Variants in NTN4 observed in about 807,000 individuals in gnomAD.
The protein encoded by NTN4 is netrin 4, also known as netrin-4.
In NTN4, 32 loss-of-function variants were observed where a neutral mutation model predicts 73.6. The observed-to-expected ratio is 0.44, with a 90% CI of 0.33 to 0.58. NTN4 has a LOEUF of 0.58. NTN4 is among the 20% of genes least tolerant of loss of function. NTN4 has a pLI of 0.04. For missense variants in NTN4, 654 were observed against 798.3 expected (o/e 0.82, Z 2.18); for synonymous variants, 258 against 287.5 (o/e 0.90, Z 1.04).
At chr12:95,744,226 TTGA>T (rs765485051) in intron 2 of NTN4, among the ~76,000 whole-genome samples, 22 of 152,230 alleles carry the variant, frequency 1.4e-4, no homozygotes, top group Non-Finnish European at 3.2e-4. Context: ...TTATATCCTC[TTGA>T]TGAAGTGACT....
chr12:95,753,058 G>GT (rs1190531993), intron 2 of NTN4, among the ~76,000 whole-genome samples: 1 of 151,952 alleles, frequency 6.6e-6, no homozygotes, highest in African/African-American at 2.4e-5. Context: ...CCCCATGACT[G>GT]TATTTCTCTG....
chr12:95,672,381 G>A (rs1338691197), intron 7 of NTN4: 5 of 870,908 alleles, frequency 5.7e-6, no homozygotes, highest in African/African-American at 1.6e-5. Context: ...CAGCTGGTAC[G>A]ACTCCGACCT....
intron 9 of NTN4, 165 bp downstream of exon 9, chr12:95,665,645 G>C: frequency 2.0e-6 from 1 of 496,224 alleles, no homozygotes; most frequent in Non-Finnish European, 3.6e-6. Flanking sequence ...ATAATTTTTC[G>C]ATGTTAGTTC....
At chr12:95,714,105 T>C (rs1423611272) in intron 3 of NTN4, among the ~76,000 whole-genome samples, 4 of 152,060 alleles carry the variant, frequency 2.6e-5, no homozygotes, top group African/African-American at 7.2e-5. Flanking sequence ...CAGAGTAATA[T>C]AGGGTTTATT....
At chr12:95,746,912 AT>A (rs138909470) in intron 2 of NTN4, among the ~76,000 whole-genome samples, 2,378 of 152,128 alleles carry the variant, frequency 0.016, 22 homozygotes, top group East Asian at 0.04. Flanking sequence ...TGTTTCACAT[AT>A]TTTGTCCAGT....
At chr12:95,734,149 T>C (rs762960686) in intron 3 of NTN4, among the ~76,000 whole-genome samples, 1 of 151,926 alleles carries the variant, frequency 6.6e-6, no homozygotes. Flanking sequence ...TTCTTTTCGA[T>C]AGTTTAAGAA....
At chr12:95,771,050 C>G (rs1032254057) in intron 2 of NTN4, among the ~76,000 whole-genome samples, 63 of 146,796 alleles carry the variant, frequency 4.3e-4, no homozygotes, top group Non-Finnish European at 8.4e-4. Context: ...AGTGCAGTGG[C>G]GCGATCTCGG....
At chr12:95,714,986 A>G (rs940429769) in intron 3 of NTN4, among the ~76,000 whole-genome samples, 15 of 152,154 alleles carry the variant, frequency 9.9e-5, no homozygotes, top group African/African-American at 3.4e-4. Context: ...TTGACCTAAG[A>G]TAACACTCAA....
chr12:95,761,842 A>G (rs566545108), intron 2 of NTN4, among the ~76,000 whole-genome samples: 6 of 152,128 alleles, frequency 3.9e-5, no homozygotes, highest in Non-Finnish European at 8.8e-5. Flanking sequence ...CCCCTCTTTA[A>G]GAGTAAGATA....
At chr12:95,751,244 T>G (rs1253450078) in intron 2 of NTN4, among the ~76,000 whole-genome samples, 2 of 151,232 alleles carry the variant, frequency 1.3e-5, no homozygotes, top group East Asian at 1.9e-4. Context: ...AAAGTTGCAA[T>G]TCCTTGCCTC....
At chr12:95,705,456 C>T (rs1241384380) in intron 5 of NTN4, among the ~76,000 whole-genome samples, 1 of 152,152 alleles carries the variant, frequency 6.6e-6, no homozygotes, top group Non-Finnish European at 1.5e-5. Context: ...CATCCTCACA[C>T]TGCTTTAACC....
rs939265770 is a variant in NTN4 at position 95,789,399 on chromosome 12, C to T, written c.55+856G>A. On this transcript the variant is annotated intron_variant, in intron 1 of 9. Transcript: ENST00000343702. This position sits in a 1 kb window ranked among gnomAD's most constrained non-coding sequence, Gnocchi z 4.0. ...TGTCTGCAGACTCCCTCACATCTCT[C>T]CCCCTCACCTACAGGGCTGCGCTTA... is the stretch of plus-strand genomic sequence containing the variant. 6.6e-6 allele frequency among the ~76,000 whole-genome samples: 1 copy of T among 152,222 alleles called. No homozygotes were observed. Among genetic ancestry groups the T allele is most frequent in the African/African-American group, 2.4e-5 (1 of 41,458 alleles).
intron 3 of NTN4, among the ~76,000 whole-genome samples, chr12:95,736,665 C>T (rs12312260): frequency 0.01 from 1,590 of 152,308 alleles, 32 homozygotes; most frequent in African/African-American, 0.036. Flanking sequence ...TTTCAAAGAT[C>T]CATCAGTGTC....
chr12:95,756,372 CA>C (rs1441905219), intron 2 of NTN4, among the ~76,000 whole-genome samples: 1 of 152,160 alleles, frequency 6.6e-6, no homozygotes, highest in Non-Finnish European at 1.5e-5. Flanking sequence ...ACGTTTTCTT[CA>C]AAGGTCTGAG....
At chr12:95,716,232 A>AT (rs544270590) in intron 3 of NTN4, among the ~76,000 whole-genome samples, 379 of 152,294 alleles carry the variant, frequency 2.5e-3, no homozygotes, top group South Asian at 0.013. Flanking sequence ...AGTAAATATG[A>AT]TAAAAAACAA....
chr12:95,787,466 G>C lies in NTN4; in HGVS notation c.58C>G (p.Leu20Val). Residue 20 changes from leucine to valine, a missense_variant and splice_region_variant, in exon 2 of 10, where the codon CTG becomes GTG. Physicochemically the swap from Leu to Val is conservative, Grantham distance 32. Coordinates refer to ENST00000343702, the MANE Select transcript of NTN4 (RefSeq NM_021229.4). ...GAACTCACTCCAGCTACTCCACTCA[G>C]TCCTAAGAAAGGGAAAGCATGCATG... The part of the protein sequence containing the change: ...LWGCTVVAAG[L>V]SGVAGVSSRC... 6.2e-7 allele frequency: 1 copy of C among 1,613,160 alleles called. No homozygotes were observed.
intron 2 of NTN4, among the ~76,000 whole-genome samples, chr12:95,774,811 T>C (rs2079080432): frequency 1.3e-5 from 2 of 152,218 alleles, no homozygotes; most frequent in Admixed American, 1.3e-4. Context: ...TCATATAATT[T>C]AATGAATCAG....
chr12:95,790,144 G>T lies in NTN4; in HGVS notation c.55+111C>A. ...GAACATGGCCACTCATTTCACCCTCGGGAGCAGCGCTCTGCGCTCGCAGCC... is the reference window on the plus strand; with the variant it reads ...GAACATGGCCACTCATTTCACCCTCTGGAGCAGCGCTCTGCGCTCGCAGCC... On this transcript the variant is annotated intron_variant, in intron 1 of 9. Transcript: ENST00000343702. The surrounding 1 kb of genome is among the most constrained non-coding windows in gnomAD (Gnocchi z 6.5). 1 of 925,372 alleles carries T rather than the reference G, an allele frequency of 1.1e-6. No individual in the cohort carries two copies. The highest frequency in any genetic ancestry group is 1.8e-5 in the South Asian group (1 of 55,070). 57.3% of individuals were successfully genotyped at this position (925,372 alleles called of 1,614,324 possible). A position where few individuals can be genotyped will look rare whatever the true frequency, so the allele number is the denominator to read the frequency against.
At chr12:95,695,713 G>T (rs553288567) in intron 5 of NTN4, among the ~76,000 whole-genome samples, 1 of 152,042 alleles carries the variant, frequency 6.6e-6, no homozygotes, top group Non-Finnish European at 1.5e-5. Context: ...TTTAATTTCT[G>T]TATCATTCCT....
Sources: gnomAD v4.1 joint callset for allele counts (sites outside exome capture counted in the v4.1 genomes callset) on GRCh38, gnomAD v4.1.1 for gene constraint, Gnocchi (gnomAD v3.1) non-coding constraint, MANE v1.5 for transcripts, NCBI Gene and HGNC (gene_info 2026-07-23, HGNC 2026-07-21) for gene names.